Variants in DRC4 observed in about 807,000 individuals in gnomAD.
The protein encoded by DRC4 is dynein regulatory complex subunit 4, also known as GAS-11.
chr16:90,038,662 G>A, the DRC4 span, among the ~76,000 whole-genome samples: 6 of 152,110 alleles, frequency 3.9e-5, no homozygotes, highest in Admixed American at 6.6e-5. Flanking sequence ...GCCAGGGTGC[G>A]GAGGGGCCGT....
At chr16:90,044,676 C>G in the DRC4 span, 1 of 463,124 alleles carries the variant, frequency 2.2e-6, no homozygotes, top group South Asian at 1.6e-5. Flanking sequence ...CCCACCCCAG[C>G]TTTCCTGGGT....
the DRC4 span, chr16:90,020,972 C>G: frequency 6.6e-6 from 1 of 152,248 alleles, no homozygotes; most frequent in Non-Finnish European, 1.5e-5. Context: ...GTCTGACCAC[C>G]CTGTCCCAGG....
the DRC4 span, chr16:90,037,412 C>G: frequency 1.2e-5 from 19 of 1,601,780 alleles, no homozygotes; most frequent in Non-Finnish European, 1.5e-5. Flanking sequence ...GAGTTTCCCG[C>G]TGGATTCCTC....
chr16:90,032,834 G>A, the DRC4 span: 1 of 1,614,000 alleles, frequency 6.2e-7, no homozygotes, highest in Non-Finnish European at 8.5e-7. Flanking sequence ...GCATACAGGA[G>A]AGTGTGCTGC....
the DRC4 span, among the ~76,000 whole-genome samples, chr16:90,028,172 CATTTTTT>C: frequency 1.3e-5 from 1 of 75,004 alleles, no homozygotes. Flanking sequence ...ATTAATCGTT[CATTTTTT>C]TTTTTTTTTT....
the DRC4 span, chr16:90,020,266 C>T: frequency 8.2e-5 from 34 of 412,976 alleles, no homozygotes; most frequent in Non-Finnish European, 1.4e-4. Context: ...AGCTTGAGCT[C>T]AGGAGTCCAA....
At chr16:90,029,023 C>T in the DRC4 span, 1 of 1,305,440 alleles carries the variant, frequency 7.7e-7, no homozygotes, top group South Asian at 1.2e-5. Context: ...TCTGGAGCTG[C>T]TGGATGGAGA....
the DRC4 span, chr16:90,043,075 G>A: frequency 8.6e-7 from 1 of 1,161,348 alleles, no homozygotes; most frequent in South Asian, 1.6e-5. Flanking sequence ...TGACTGATAA[G>A]CCTTTGGCTT....
At chr16:90,020,431 G>A in the DRC4 span, among the ~76,000 whole-genome samples, 1,236 of 152,300 alleles carry the variant, frequency 8.1e-3, 19 homozygotes, top group African/African-American at 0.029. Context: ...GTGGATAGTG[G>A]GTGGCAGGAA....
At chr16:90,029,335 AG>A in the DRC4 span, 1 of 1,358,900 alleles carries the variant, frequency 7.4e-7, no homozygotes. Context: ...AGCAGAGGAC[AG>A]TTTCATCTGT....
chr16:90,040,610 G>T, the DRC4 span: 2 of 1,103,154 alleles, frequency 1.8e-6, no homozygotes, highest in Non-Finnish European at 2.5e-6. Flanking sequence ...GAGACCCCTC[G>T]GTCGGCCACT....
chr16:90,042,910 C>T, the DRC4 span: 2 of 517,764 alleles, frequency 3.9e-6, no homozygotes, highest in East Asian at 3.2e-5. Flanking sequence ...CCAGCCAGGG[C>T]CCAGAGCCCT....
the DRC4 span, chr16:90,037,155 C>G: frequency 1.4e-6 from 2 of 1,421,694 alleles, no homozygotes; most frequent in Non-Finnish European, 1.9e-6. Context: ...GGAGAGCACC[C>G]AGCTCTCACC....
the DRC4 span, among the ~76,000 whole-genome samples, chr16:90,038,617 C>A: frequency 6.6e-6 from 1 of 152,184 alleles, no homozygotes; most frequent in African/African-American, 2.4e-5. Context: ...GGACCCTGAT[C>A]ATCTGTCCAG....
the DRC4 span, chr16:90,035,661 G>A: frequency 6.8e-6 from 11 of 1,614,010 alleles, no homozygotes; most frequent in Admixed American, 3.3e-5. Context: ...ACCAGGATGC[G>A]GAATGATTTT....
chr16:90,032,745 C>CTA, the DRC4 span: 1 of 1,613,874 alleles, frequency 6.2e-7, no homozygotes, highest in Non-Finnish European at 8.5e-7. Context: ...GAAGCACCTG[C>CTA]TATATGAGCA....
chr16:90,037,661 G>T, the DRC4 span: 21 of 1,197,292 alleles, frequency 1.8e-5, no homozygotes, highest in Admixed American at 2.1e-4. Flanking sequence ...AGGTCTTTCT[G>T]GCGATTATTT....
the DRC4 span, chr16:90,027,785 C>T: frequency 1.7e-5 from 25 of 1,480,080 alleles, no homozygotes; most frequent in African/African-American, 3.2e-4. Flanking sequence ...CGCAGGGTGC[C>T]TACGCCGAGT....
At chr16:90,022,378 C>T in the DRC4 span, among the ~76,000 whole-genome samples, 1 of 152,146 alleles carries the variant, frequency 6.6e-6, no homozygotes, top group Non-Finnish European at 1.5e-5. Context: ...TTCATCAGCA[C>T]GTCTTTACTG....
Sources: allele counts gnomAD v4.1 joint callset (sites outside exome capture counted in the v4.1 genomes callset), GRCh38; gene constraint gnomAD v4.1.1; transcripts MANE v1.5; gene names NCBI Gene and HGNC (gene_info 2026-07-23, HGNC 2026-07-21).